The following PLXDC2 variants were observed in gnomAD, a reference collection of about 807,000 sequenced individuals.
The protein encoded by PLXDC2 is plexin domain containing 2.
PLXDC2 carries 40 observed loss-of-function variants against 68.9 expected under a neutral mutation model. The ratio of observed to expected loss-of-function variants is 0.58; its 90% CI spans 0.45 to 0.76. PLXDC2 has a LOEUF of 0.76. Ranked by LOEUF, PLXDC2 falls within the 30% of genes least tolerant of loss-of-function variation. PLXDC2 has a pLI of 0.00. For synonymous variants in PLXDC2, 243 were observed against 234.2 expected (o/e 1.04, Z -0.34); for missense variants, 644 against 661.9 (o/e 0.97, Z 0.30).
intron 4 of PLXDC2, among the ~76,000 whole-genome samples, chr10:20,131,164 T>TA (rs35919420): frequency 0.67 from 92,463 of 137,708 alleles, 29,138 homozygotes; most frequent in Middle Eastern, 0.71. Context: ...CTTTACTTGT[T>TA]ATTTTTTTTT....
intron 3 of PLXDC2, among the ~76,000 whole-genome samples, chr10:20,056,629 T>G (rs1836004548): frequency 6.6e-6 from 1 of 152,148 alleles, no homozygotes; most frequent in Non-Finnish European, 1.5e-5. Flanking sequence ...CTTAAGAAAT[T>G]CACATTGATC....
intron 2 of PLXDC2, among the ~76,000 whole-genome samples, chr10:20,024,743 C>T (rs899181996): frequency 6.6e-6 from 1 of 152,032 alleles, no homozygotes; most frequent in Non-Finnish European, 1.5e-5. Context: ...TAGTGGTCCC[C>T]AGTATCTATT....
At chr10:20,141,958 A>T (rs760083694) in intron 4 of PLXDC2, among the ~76,000 whole-genome samples, 13 of 152,028 alleles carry the variant, frequency 8.6e-5, no homozygotes, top group African/African-American at 2.2e-4. Context: ...ACAGTTAAAA[A>T]TTTTTTTAGA....
chr10:20,093,913 G>A (rs191468970), intron 4 of PLXDC2, among the ~76,000 whole-genome samples: 1 of 151,970 alleles, frequency 6.6e-6, no homozygotes, highest in African/African-American at 2.4e-5. Flanking sequence ...GAATTCAGGC[G>A]ATCTGCCGGA....
intron 1 of PLXDC2, among the ~76,000 whole-genome samples, chr10:19,956,062 A>G (rs1293963156): frequency 6.6e-6 from 1 of 152,160 alleles, no homozygotes; most frequent in East Asian, 1.9e-4. Context: ...TTGGGTGACA[A>G]GAGTGAAACT....
Position 19,920,400 on chromosome 10 carries a change from C to T in PLXDC2, c.113-81375C>T, listed in dbSNP as rs565479192. Among the ~76,000 whole-genome samples the T allele has an allele frequency of 2.6e-5, 4 of 152,366 alleles. No homozygotes were observed. In the East Asian group the frequency reaches 7.7e-4, roughly 29 times the overall value. ...CCTATAAAAACCCCAGAGACCATAGCAGGCAGACACAAAGATGGCTGGACA... is the reference window on the plus strand; with the variant it reads ...CCTATAAAAACCCCAGAGACCATAGTAGGCAGACACAAAGATGGCTGGACA... On this transcript the variant is annotated intron_variant, in intron 1 of 13. Coordinates refer to ENST00000377252, the MANE Select transcript of PLXDC2 (RefSeq NM_032812.9).
At chr10:20,171,325 A>G (rs529828935) in intron 7 of PLXDC2, among the ~76,000 whole-genome samples, 1 of 152,192 alleles carries the variant, frequency 6.6e-6, no homozygotes, top group African/African-American at 2.4e-5. Context: ...ACTTTTGCTC[A>G]CCTCAAAATG....
chr10:20,117,783 A>G (rs1833640752), intron 4 of PLXDC2, among the ~76,000 whole-genome samples: 1 of 152,140 alleles, frequency 6.6e-6, no homozygotes, highest in Admixed American at 6.5e-5. Context: ...TTTTATGAGG[A>G]ACACATTATG....
At chr10:20,057,036 C>T (rs1397272075) in intron 3 of PLXDC2, among the ~76,000 whole-genome samples, 2 of 152,294 alleles carry the variant, frequency 1.3e-5, no homozygotes, top group East Asian at 3.9e-4. Context: ...CTCTGCCTTT[C>T]AGCTGAGATT....
chr10:20,121,136 T>C (rs1485806226), intron 4 of PLXDC2, among the ~76,000 whole-genome samples: 1 of 152,096 alleles, frequency 6.6e-6, no homozygotes, highest in Non-Finnish European at 1.5e-5. Flanking sequence ...AGAAAGTATA[T>C]GTGTCAGGTA....
At chr10:19,914,902 AT>A (rs1833337886) in intron 1 of PLXDC2, among the ~76,000 whole-genome samples, 1 of 152,180 alleles carries the variant, frequency 6.6e-6, no homozygotes, top group Admixed American at 6.5e-5. Context: ...AGTCTACTTT[AT>A]GTGGTATTAA....
intron 1 of PLXDC2, among the ~76,000 whole-genome samples, chr10:19,941,062 C>T (rs922844813): frequency 6.6e-6 from 1 of 152,124 alleles, no homozygotes; most frequent in African/African-American, 2.4e-5. Context: ...CACAGCTATG[C>T]CATGAAAGAA....
At chr10:20,044,104 C>A (rs1465470386) in intron 2 of PLXDC2, among the ~76,000 whole-genome samples, 2 of 124,008 alleles carry the variant, frequency 1.6e-5, no homozygotes, top group African/African-American at 6.2e-5. Context: ...CCCTTCCTTC[C>A]TTCCTTCCTT....
At chr10:20,002,342 C>G (rs1225797662) in intron 2 of PLXDC2, among the ~76,000 whole-genome samples, 3 of 151,518 alleles carry the variant, frequency 2.0e-5, no homozygotes, top group African/African-American at 7.3e-5. Context: ...TCACTGCAAC[C>G]TCTGCTTCCT....
At chr10:19,961,160 A>C (rs1834148673) in intron 1 of PLXDC2, among the ~76,000 whole-genome samples, 1 of 152,204 alleles carries the variant, frequency 6.6e-6, no homozygotes, top group South Asian at 2.1e-4. Context: ...CCCCAAATGA[A>C]ATAATTATTG....
intron 13 of PLXDC2, among the ~76,000 whole-genome samples, chr10:20,275,095 C>A (rs1373303134): frequency 6.6e-6 from 1 of 150,600 alleles, no homozygotes; most frequent in African/African-American, 2.5e-5. Flanking sequence ...CTTGGACAGT[C>A]AAACTGTCGA....
At chr10:19,908,677 A>T (rs1401538822) in intron 1 of PLXDC2, among the ~76,000 whole-genome samples, 1 of 152,172 alleles carries the variant, frequency 6.6e-6, no homozygotes, top group African/African-American at 2.4e-5. Flanking sequence ...TGTATTTCTC[A>T]GTGGTGCTAT....
intron 1 of PLXDC2, among the ~76,000 whole-genome samples, chr10:19,925,649 G>C (rs1277618238): frequency 6.6e-6 from 1 of 152,182 alleles, no homozygotes; most frequent in Admixed American, 6.5e-5. Context: ...GGTTGTGAGA[G>C]TAGACTCAAA....
At chr10:20,003,224 G>A (rs1000383553) in intron 2 of PLXDC2, among the ~76,000 whole-genome samples, 2 of 152,120 alleles carry the variant, frequency 1.3e-5, no homozygotes, top group East Asian at 1.9e-4. Context: ...GCAAAAAAGC[G>A]AAGACCACCC....
Sources: allele counts gnomAD v4.1 joint callset (sites outside exome capture counted in the v4.1 genomes callset), GRCh38; gene constraint gnomAD v4.1.1; transcripts MANE v1.5; gene names NCBI Gene and HGNC (gene_info 2026-07-23, HGNC 2026-07-21).